Variants in CTNND2 observed in about 807,000 individuals in gnomAD.
The protein encoded by CTNND2 is catenin delta 2, also known as catenin delta-2.
In CTNND2, 22 loss-of-function variants were observed where a neutral mutation model predicts 144.4. That is an observed-to-expected ratio of 0.15 (90% CI 0.11 to 0.22). The LOEUF (loss-of-function observed/expected upper bound fraction) is 0.22. CTNND2 is among the 10% of genes least tolerant of loss of function. The pLI, the probability that CTNND2 is intolerant of heterozygous loss-of-function variation, is 1.00. For missense variants in CTNND2, 1,353 were observed against 1,618.8 expected (o/e 0.84, Z 2.82); for synonymous variants, 751 against 695.6 (o/e 1.08, Z -1.25).
At chr5:11,699,769 T>C (rs1785339222) in intron 2 of CTNND2, among the ~76,000 whole-genome samples, 1 of 152,342 alleles carries the variant, frequency 6.6e-6, no homozygotes, top group East Asian at 1.9e-4. Flanking sequence ...AAAAATATTT[T>C]CTAGAGCTTT....
chr5:11,852,703 T>G (rs1273648458), intron 1 of CTNND2, among the ~76,000 whole-genome samples: 1 of 152,222 alleles, frequency 6.6e-6, no homozygotes, highest in Non-Finnish European at 1.5e-5. Flanking sequence ...GGAATTACAC[T>G]GACTGACCCT....
intron 9 of CTNND2, among the ~76,000 whole-genome samples, chr5:11,264,085 G>A (rs1198329438): frequency 6.6e-6 from 1 of 152,036 alleles, no homozygotes; most frequent in Non-Finnish European, 1.5e-5. Flanking sequence ...TCTTAGTTCT[G>A]GCCATCAGAA....
chr5:11,211,469 TA>T (rs1317888674), intron 10 of CTNND2, among the ~76,000 whole-genome samples: 2 of 152,218 alleles, frequency 1.3e-5, no homozygotes, highest in Non-Finnish European at 1.5e-5. Context: ...GTACAAGCAC[TA>T]AAAAATGGCC....
intron 16 of CTNND2, among the ~76,000 whole-genome samples, chr5:11,078,086 T>C (rs1419545139): frequency 1.3e-5 from 2 of 152,154 alleles, no homozygotes; most frequent in Non-Finnish European, 2.9e-5. Context: ...GATACCTGTT[T>C]GGAGTCACCA....
At chr5:11,721,443 T>C (rs1420464381) in intron 2 of CTNND2, among the ~76,000 whole-genome samples, 1 of 152,196 alleles carries the variant, frequency 6.6e-6, no homozygotes, top group Non-Finnish European at 1.5e-5. Context: ...TGGTCTAACA[T>C]GACTGATTTT....
chr5:11,662,908 C>A (rs1477726903), intron 2 of CTNND2, among the ~76,000 whole-genome samples: 2 of 152,084 alleles, frequency 1.3e-5, no homozygotes, highest in Non-Finnish European at 2.9e-5. Flanking sequence ...TGAAAGCTGC[C>A]AGTAAACAAA....
At chr5:11,863,928 G>A (rs1025031911) in intron 1 of CTNND2, among the ~76,000 whole-genome samples, 7 of 152,276 alleles carry the variant, frequency 4.6e-5, no homozygotes, top group Admixed American at 2.6e-4. Flanking sequence ...CTAGGACTAA[G>A]AGCTCCTGAT....
At chr5:11,894,175 C>T (rs978328064) in intron 1 of CTNND2, among the ~76,000 whole-genome samples, 1 of 152,008 alleles carries the variant, frequency 6.6e-6, no homozygotes, top group Non-Finnish European at 1.5e-5. Context: ...GATAAAGCCT[C>T]ACAGGTGCCA....
At chr5:11,181,122 A>G (rs1372217249) in intron 11 of CTNND2, among the ~76,000 whole-genome samples, 1 of 152,180 alleles carries the variant, frequency 6.6e-6, no homozygotes, top group Non-Finnish European at 1.5e-5. Flanking sequence ...TACCAGGAGC[A>G]GGGTGCAGTG....
chr5:11,283,843 T>C (rs933392625), intron 9 of CTNND2, among the ~76,000 whole-genome samples: 1 of 152,222 alleles, frequency 6.6e-6, no homozygotes, highest in Non-Finnish European at 1.5e-5. Context: ...AGGAAATTCA[T>C]GTAAACCTTA....
At chr5:11,067,245 C>T (rs1165418253) in intron 16 of CTNND2, among the ~76,000 whole-genome samples, 1 of 152,140 alleles carries the variant, frequency 6.6e-6, no homozygotes, top group Non-Finnish European at 1.5e-5. Context: ...AGAAGTGATA[C>T]GTAGCTTTAA....
chr5:11,076,874 G>A (rs61750290), intron 16 of CTNND2, among the ~76,000 whole-genome samples: 6,729 of 152,186 alleles, frequency 0.044, 200 homozygotes, highest in Middle Eastern at 0.068. Flanking sequence ...AATGATCTAC[G>A]AAGAATTCTA....
At chr5:11,759,556 A>T (rs1172360197) in intron 1 of CTNND2, among the ~76,000 whole-genome samples, 2 of 74,030 alleles carry the variant, frequency 2.7e-5, no homozygotes, top group Non-Finnish European at 3.4e-5. Context: ...CAGGTTTCTT[A>T]TCAATTAATT....
chr5:11,289,086 C>A (rs746112943), intron 9 of CTNND2, among the ~76,000 whole-genome samples: 1 of 152,126 alleles, frequency 6.6e-6, no homozygotes, highest in Admixed American at 6.6e-5. Context: ...AGCCTGCCAT[C>A]CCCCCCGCCT....
intron 3 of CTNND2, among the ~76,000 whole-genome samples, chr5:11,499,456 T>G (rs928373974): frequency 6.6e-6 from 1 of 152,208 alleles, no homozygotes; most frequent in Non-Finnish European, 1.5e-5. Context: ...TTCATAAACA[T>G]AGAGAGATTA....
rs1409656682 is a variant in CTNND2, at chr5:11,878,887, C to T, written c.37+24930G>A. Among the ~76,000 whole-genome samples, 5 of 152,282 alleles carry T rather than the reference C, an allele frequency of 3.3e-5. No individual in the cohort carries two copies. The East Asian group carries it at 7.7e-4, about 24-fold the overall frequency. On this transcript the variant is annotated intron_variant, in intron 1 of 21. Coordinates refer to ENST00000304623, the MANE Select transcript of CTNND2 (RefSeq NM_001332.4). ...GGGAGATGGGGCCTCATGGGAGTTT[C>T]GCTGCTAGCCTGGATGTCTCAAATT... is the stretch of plus-strand genomic sequence containing the variant.
At chr5:11,131,631 T>C (rs974059780) in intron 12 of CTNND2, among the ~76,000 whole-genome samples, 7 of 151,512 alleles carry the variant, frequency 4.6e-5, no homozygotes, top group African/African-American at 1.5e-4. Flanking sequence ...ACTAAAAAAA[T>C]AAAAAAAATT....
chr5:11,703,205 GAAATT>G (rs1785533780), intron 2 of CTNND2, among the ~76,000 whole-genome samples: 1 of 152,078 alleles, frequency 6.6e-6, no homozygotes, highest in East Asian at 1.9e-4. Flanking sequence ...ATTTTCAAAA[GAAATT>G]AAAAATATAT....
At chr5:11,477,982 A>C (rs1036826650) in intron 3 of CTNND2, among the ~76,000 whole-genome samples, 8 of 152,216 alleles carry the variant, frequency 5.3e-5, no homozygotes, top group Non-Finnish European at 8.8e-5. Flanking sequence ...GAAGTCATCC[A>C]GCTTTGGGTG....
Sources: gnomAD v4.1 joint callset for allele counts (sites outside exome capture counted in the v4.1 genomes callset) on GRCh38, gnomAD v4.1.1 for gene constraint, MANE v1.5 for transcripts, NCBI Gene and HGNC (gene_info 2026-07-23, HGNC 2026-07-21) for gene names.